IRAG1: variants seen among roughly 807,000 people sequenced by gnomAD.
IRAG1 encodes the protein inositol 1,4,5-triphosphate receptor associated 1.
In IRAG1, 62 loss-of-function variants were observed where a neutral mutation model predicts 106.2. The observed-to-expected ratio is 0.58, with a 90% CI of 0.48 to 0.72. The LOEUF (loss-of-function observed/expected upper bound fraction) is 0.72, where lower values mean the gene tolerates loss of function less well. Ranked by LOEUF, IRAG1 falls within the 30% of genes least tolerant of loss-of-function variation. IRAG1 has a pLI of 0.00. For missense variants in IRAG1, 1,064 were observed against 1,140.7 expected, an observed-to-expected ratio of 0.93 and a Z score of 0.97; for synonymous variants, 462 against 443.9, an observed-to-expected ratio of 1.04 and a Z score of -0.51.
In IRAG1 at chr11:10,623,167, G is replaced by A. The variant is rs566703203; in HGVS notation, c.1447+611C>T. 6.4e-4 allele frequency among the ~76,000 whole-genome samples: 98 copies of A among 152,340 alleles called. No individual in the cohort carries two copies. In the Middle Eastern group the frequency reaches 0.014, roughly 21 times the overall value. On this transcript the variant is annotated intron_variant, in intron 10 of 20. Coordinates refer to ENST00000423302, the MANE Select transcript of IRAG1 (RefSeq NM_130385.4). ...TACTCATGCAGGAGAATGGGGCCGAGGAAGGGTGTTGGGGGCACTGGGAGC... is the reference window on the plus strand; with the variant it reads ...TACTCATGCAGGAGAATGGGGCCGAAGAAGGGTGTTGGGGGCACTGGGAGC...
At chr11:10,672,567 G>A (rs530178139) in intron 1 of IRAG1, among the ~76,000 whole-genome samples, 6 of 152,276 alleles carry the variant, frequency 3.9e-5, no homozygotes, top group Non-Finnish European at 1.5e-5. Context: ...ATAAGCACAT[G>A]AACAGATGTT....
chr11:10,653,087 C>G (rs1373020491), intron 1 of IRAG1, among the ~76,000 whole-genome samples: 1 of 152,094 alleles, frequency 6.6e-6, no homozygotes, highest in African/African-American at 2.4e-5. Context: ...GACAATGGAC[C>G]CAGCCTACAT....
intron 1 of IRAG1, among the ~76,000 whole-genome samples, chr11:10,676,725 A>G (rs912106551): frequency 6.6e-6 from 1 of 152,258 alleles, no homozygotes; most frequent in Non-Finnish European, 1.5e-5. Context: ...GGATCCAGCC[A>G]TGTCCGAGAT....
chr11:10,634,667 T>C (rs1316156393), intron 2 of IRAG1, among the ~76,000 whole-genome samples: 1 of 152,130 alleles, frequency 6.6e-6, no homozygotes, highest in African/African-American at 2.4e-5. Context: ...GCCTGGCTTA[T>C]TTCACTTAGC....
chr11:10,683,881 C>T (rs1431628845), intron 1 of IRAG1, among the ~76,000 whole-genome samples: 4 of 77,750 alleles, frequency 5.1e-5, no homozygotes, highest in Non-Finnish European at 7.8e-5. Context: ...AAATTGTTGA[C>T]ACTTTAAAAA....
chr11:10,606,270 C>T (rs72862357), intron 12 of IRAG1, among the ~76,000 whole-genome samples: 12 of 152,300 alleles, frequency 7.9e-5, no homozygotes, highest in Non-Finnish European at 1.5e-4. Context: ...GTGAGGAAAC[C>T]GGAAGGCTGG....
chr11:10,643,056 T>A (rs1225956857), intron 2 of IRAG1, among the ~76,000 whole-genome samples: 1 of 151,516 alleles, frequency 6.6e-6, no homozygotes, highest in African/African-American at 2.4e-5. Context: ...GCACCTGTAG[T>A]CCCAGCTACT....
chr11:10,617,222 A>C, intron 10 of IRAG1: 6 of 984,796 alleles, frequency 6.1e-6, no homozygotes, highest in Non-Finnish European at 7.2e-6. Context: ...GGAGAATAAA[A>C]ATCATTTCAA....
intron 18 of IRAG1, among the ~76,000 whole-genome samples, chr11:10,587,898 G>A (rs1013853756): frequency 5.3e-5 from 8 of 152,206 alleles, no homozygotes; most frequent in Admixed American, 2.0e-4. Flanking sequence ...CTATCTACCA[G>A]CTGTGTAACC....
intron 10 of IRAG1, among the ~76,000 whole-genome samples, chr11:10,622,163 C>G (rs1855882369): frequency 6.6e-6 from 1 of 151,962 alleles, no homozygotes; most frequent in Non-Finnish European, 1.5e-5. Context: ...AAAGGGAGTA[C>G]TATATAGAGT....
intron 19 of IRAG1, among the ~76,000 whole-genome samples, chr11:10,581,586 G>A (rs541931376): frequency 3.9e-5 from 6 of 151,948 alleles, no homozygotes; most frequent in Non-Finnish European, 8.8e-5. Context: ...ACCCATCCAG[G>A]ACCCCTGATT....
intron 2 of IRAG1, among the ~76,000 whole-genome samples, chr11:10,650,387 ATTATC>A (rs1167732362): frequency 1.3e-5 from 2 of 152,152 alleles, no homozygotes; most frequent in Non-Finnish European, 2.9e-5. Context: ...CTGATCTTTT[ATTATC>A]TTATATTTTA....
rs556391635 is a variant in IRAG1, at chr11:10,657,028, G to C, written c.68-4846C>G. 3.6e-4 allele frequency among the ~76,000 whole-genome samples: 55 copies of C among 152,260 alleles called. No homozygotes were observed. Among genetic ancestry groups the C allele is most frequent in the African/African-American group, 1.3e-3 (54 of 41,552 alleles). On this transcript the variant is annotated intron_variant, in intron 1 of 20. Coordinates refer to ENST00000423302, the MANE Select transcript of IRAG1 (RefSeq NM_130385.4). This position sits in a 1 kb window ranked among gnomAD's most constrained non-coding sequence, Gnocchi z 4.1. Reference sequence around the variant, plus strand: ...CTACAGTTGAGCCTGCATGTCCTCTGGTAGGTGGTAGCAGCAGGTGGAGGA... The same window carrying C: ...CTACAGTTGAGCCTGCATGTCCTCTCGTAGGTGGTAGCAGCAGGTGGAGGA...
chr11:10,634,556 AC>A (rs1050321412), intron 2 of IRAG1, among the ~76,000 whole-genome samples: 5 of 151,518 alleles, frequency 3.3e-5, no homozygotes, highest in African/African-American at 1.2e-4. Flanking sequence ...CATTTCTCCC[AC>A]CCCCAGTCAC....
At position 10,652,043 on chromosome 11, in the gene IRAG1, G is replaced by GCA. The variant is rs773510830; in HGVS notation, c.206_207insTG (p.Gln70AlafsTer24). Reference sequence around the variant, plus strand: ...CACTTACTTGGCCGGCAGGGCTCTGGGCTGCCTGTGGCTCTCCGGGGGGCT... The same window carrying GCA: ...CACTTACTTGGCCGGCAGGGCTCTGGCAGCTGCCTGTGGCTCTCCGGGGGGCT... On this transcript the variant is annotated frameshift_variant, in exon 2 of 21. Transcript: ENST00000423302. LOFTEE classifies it high-confidence loss of function. 13 of 1,581,662 alleles carry GCA rather than the reference G, an allele frequency of 8.2e-6. No homozygotes were observed. The African/African-American group carries it at 1.6e-4, about 20-fold the overall frequency.
chr11:10,604,453 T>C lies in IRAG1; in HGVS notation c.1695A>G (p.Thr565=). Residue 565 remains threonine, a synonymous_variant, in exon 13 of 21, where the codon ACA becomes ACG. Coordinates refer to ENST00000423302, the MANE Select transcript of IRAG1 (RefSeq NM_130385.4). ...CCAGTTCTTTCTCAGTGTTCTCCTC[T>C]GTCAGGTTGCGTTCCCTTTCAGCCT... is the stretch of plus-strand genomic sequence containing the variant. The part of the protein sequence containing the change: ...INQAERERNL[T]EENTEKELEN... The C allele has an allele frequency of 6.2e-7, 1 of 1,614,076 alleles. No homozygotes were observed. The highest frequency in any genetic ancestry group is 2.2e-5 in the East Asian group (1 of 44,890).
chr11:10,600,248 A>G (rs1030864366), intron 15 of IRAG1, among the ~76,000 whole-genome samples: 1 of 152,196 alleles, frequency 6.6e-6, no homozygotes, highest in Admixed American at 6.5e-5. Context: ...AGCAATTCGT[A>G]TAGAACTTCT....
At chr11:10,587,097 C>G (rs1852094921) in intron 18 of IRAG1, among the ~76,000 whole-genome samples, 1 of 152,188 alleles carries the variant, frequency 6.6e-6, no homozygotes, top group South Asian at 2.1e-4. Flanking sequence ...GCATCTGTCC[C>G]CTGCCTGAAA....
chr11:10,628,061 C>T lies in IRAG1; in HGVS notation c.653-36G>A, dbSNP rs758626385. ...CCAGACACTAGTGAGTGAGGCCCAG[C>T]AGCCCAGGCCCTCAGCTGTGCTTTC... is the stretch of plus-strand genomic sequence containing the variant. On this transcript the variant is annotated intron_variant, in intron 6 of 20. Transcript: ENST00000423302. This position sits in a 1 kb window ranked among gnomAD's most constrained non-coding sequence, Gnocchi z 4.1. The T allele has an allele frequency of 6.2e-7, 1 of 1,610,688 alleles. No homozygotes were observed. The highest frequency in any genetic ancestry group is 1.1e-5 in the South Asian group (1 of 90,606).
Sources: gnomAD v4.1 joint callset for allele counts (sites outside exome capture counted in the v4.1 genomes callset) on GRCh38, gnomAD v4.1.1 for gene constraint, Gnocchi (gnomAD v3.1) non-coding constraint, MANE v1.5 for transcripts, NCBI Gene and HGNC (gene_info 2026-07-23, HGNC 2026-07-21) for gene names.